The following SSH2 variants were observed in gnomAD, a reference collection of about 807,000 sequenced individuals.
SSH2 encodes the protein slingshot protein phosphatase 2.
A neutral mutation model predicts 135.2 loss-of-function variants in SSH2; 37 were observed. That is an observed-to-expected ratio of 0.27 (90% CI 0.21 to 0.36). The LOEUF is 0.36. Ranked by LOEUF, SSH2 falls within the 10% of genes least tolerant of loss-of-function variation. The pLI is 1.00. For synonymous variants in SSH2, 628 were observed against 646.2 expected, an observed-to-expected ratio of 0.97 and a Z score of 0.43; for missense variants, 1,408 against 1,765.3, an observed-to-expected ratio of 0.80 and a Z score of 3.63.
Position 29,648,305 on chromosome 17 carries a change from C to T in SSH2, c.1266G>A (p.Gly422=). 6.2e-7 allele frequency: 1 copy of T among 1,613,902 alleles called. No individual in the cohort carries two copies. Among genetic ancestry groups the T allele is most frequent in the Non-Finnish European group, 8.5e-7 (1 of 1,179,870 alleles). ...GSKCLVHCKM[G]VSRSASTVIA... ...TCACGGTGGAGGCTGAGCGACTCACCCCCATTTTGCAGTGCACAAGGCATT... is the reference window on the plus strand; with the variant it reads ...TCACGGTGGAGGCTGAGCGACTCACTCCCATTTTGCAGTGCACAAGGCATT... The change falls in exon 14 of 16, where the codon GGG becomes GGA. Residue 422 remains glycine (G), a synonymous_variant. Coordinates refer to ENST00000540801, the MANE Select transcript of SSH2 (RefSeq NM_001282129.2).
chr17:29,694,507 A>G (rs929099305), intron 5 of SSH2, among the ~76,000 whole-genome samples: 87 of 152,240 alleles, frequency 5.7e-4, no homozygotes, highest in African/African-American at 2.0e-3. Flanking sequence ...CATCTCTACT[A>G]AAAATACAAA....
Position 29,848,851 on chromosome 17 carries a change from T to C in SSH2, c.142A>G (p.Asn48Asp), listed in dbSNP as rs1203322077. Residue 48 changes from asparagine to aspartate, a missense_variant and splice_region_variant, in exon 2 of 16, where the codon AAT (asparagine) becomes GAT (aspartate). Physicochemically the swap from Asn to Asp is conservative, Grantham distance 23. Transcript: ENST00000540801. The stretch of plus-strand genomic sequence containing the variant: ...TATAAAAACATATACCTACGTACAT[T>C]GGAATCAGTAAAGATTTCTGATTCT... ...CEESEIFTDS[N>D]EADSGEEECR... The C allele has an allele frequency of 4.6e-6, 7 of 1,524,982 alleles. No individual in the cohort carries two copies. In the African/African-American group the frequency reaches 9.6e-5, roughly 21 times the overall value. The allele number at this position is 1,524,982 out of a possible 1,614,324, so 94.5% of individuals were successfully genotyped here.
intron 15 of SSH2, among the ~76,000 whole-genome samples, chr17:29,633,568 T>G (rs528797988): frequency 6.6e-6 from 1 of 152,236 alleles, no homozygotes; most frequent in Non-Finnish European, 1.5e-5. Context: ...ACTGTCTGAC[T>G]ACATAATCTC....
rs2035627760 is a variant in SSH2, at chr17:29,630,727, A to ACTGTTTTG, written c.*113_*114insCAAAACAG. The ACTGTTTTG allele has an allele frequency of 8.5e-7, 1 of 1,175,464 alleles. No homozygotes were observed. The highest frequency in any genetic ancestry group is 2.4e-5 in the East Asian group (1 of 41,910). The allele number at this position is 1,175,464 out of a possible 1,614,324, so 72.8% of individuals were successfully genotyped here. ...CCCAAACCCTGCATGCACCAGAAAC[A>ACTGTTTTG]GTAAAATGACCAAAATATTATAAAA... On this transcript the variant is annotated 3_prime_UTR_variant, in exon 16 of 16. Transcript: ENST00000540801.
At chr17:29,896,596 A>G (rs1247932365) in intron 1 of SSH2, among the ~76,000 whole-genome samples, 2 of 151,218 alleles carry the variant, frequency 1.3e-5, no homozygotes, top group Non-Finnish European at 3.0e-5. Context: ...TATTTTATAC[A>G]TTCTTTTATC....
At chr17:29,767,282 T>G (rs2041468624) in intron 3 of SSH2, among the ~76,000 whole-genome samples, 1 of 152,156 alleles carries the variant, frequency 6.6e-6, no homozygotes, top group Non-Finnish European at 1.5e-5. Context: ...GTAAAAATAA[T>G]AGGTATTTAC....
At chr17:29,841,700 T>C (rs1416014302) in intron 2 of SSH2, among the ~76,000 whole-genome samples, 1 of 152,110 alleles carries the variant, frequency 6.6e-6, no homozygotes, top group Non-Finnish European at 1.5e-5. Flanking sequence ...AAAATTAGCA[T>C]AGCTAGAGTT....
chr17:29,867,284 A>C (rs2065869773), intron 1 of SSH2, among the ~76,000 whole-genome samples: 1 of 152,172 alleles, frequency 6.6e-6, no homozygotes, highest in Non-Finnish European at 1.5e-5. Context: ...ATCACCTTAC[A>C]TATTAGTTTT....
intron 3 of SSH2, among the ~76,000 whole-genome samples, chr17:29,756,383 G>A (rs1160292098): frequency 6.6e-6 from 1 of 151,748 alleles, no homozygotes; most frequent in Non-Finnish European, 1.5e-5. Context: ...CAATCCTCCT[G>A]CCTCAGTCTC....
At chr17:29,907,300 G>A (rs77518451) in intron 1 of SSH2, among the ~76,000 whole-genome samples, 2,018 of 152,114 alleles carry the variant, frequency 0.013, 38 homozygotes, top group African/African-American at 0.047. Flanking sequence ...TTATAAGTGG[G>A]AGAGAACATG....
intron 15 of SSH2, among the ~76,000 whole-genome samples, chr17:29,634,783 CCTCGTGAT>C (rs1215371955): frequency 6.6e-6 from 1 of 151,952 alleles, no homozygotes; most frequent in East Asian, 1.9e-4. Context: ...GATCTCTTGA[CCTCGTGAT>C]CTGGCTGCCT....
At chr17:29,740,158 C>T (rs976525323) in intron 3 of SSH2, among the ~76,000 whole-genome samples, 2 of 152,198 alleles carry the variant, frequency 1.3e-5, no homozygotes, top group Non-Finnish European at 2.9e-5. Flanking sequence ...GAGGTCCACT[C>T]TCCAGTGAAC....
intron 1 of SSH2, among the ~76,000 whole-genome samples, chr17:29,857,731 C>A (rs1373689918): frequency 6.6e-6 from 1 of 152,222 alleles, no homozygotes; most frequent in East Asian, 1.9e-4. Flanking sequence ...AACAATCCTC[C>A]TGCCTTGGCC....
intron 1 of SSH2, among the ~76,000 whole-genome samples, chr17:29,881,494 C>G (rs539332224): frequency 6.6e-6 from 1 of 151,786 alleles, no homozygotes; most frequent in African/African-American, 2.4e-5. Context: ...TTTTCTCTCT[C>G]TCTTTCTCTT....
intron 14 of SSH2, among the ~76,000 whole-genome samples, chr17:29,642,089 T>C (rs899656371): frequency 6.6e-6 from 1 of 152,194 alleles, no homozygotes; most frequent in African/African-American, 2.4e-5. Context: ...TCGCCCAAGA[T>C]GCTTTAAGAT....
intron 6 of SSH2, among the ~76,000 whole-genome samples, chr17:29,683,175 A>G (rs2038054666): frequency 6.6e-6 from 1 of 152,178 alleles, no homozygotes; most frequent in South Asian, 2.1e-4. Context: ...CTAATCCTGA[A>G]CCAGGAAGTC....
rs1208441696 is a variant in SSH2, at chr17:29,627,682, A to G, written c.*3159T>C. 6.6e-6 allele frequency: 1 copy of G among 152,646 alleles called. No individual in the cohort carries two copies. The highest frequency in any genetic ancestry group is 1.5e-5 in the Non-Finnish European group (1 of 68,044). 9.5% of individuals were successfully genotyped at this position (152,646 alleles called of 1,614,324 possible). ...AATCTGAAAGGCAACTAAAATGAGG[A>G]GAGATGAATATTACGGTACTATAGT... On this transcript the variant is annotated 3_prime_UTR_variant, in exon 16 of 16. Transcript: ENST00000540801.
At chr17:29,709,256 G>C (rs1269215022) in intron 3 of SSH2, among the ~76,000 whole-genome samples, 1 of 152,064 alleles carries the variant, frequency 6.6e-6, no homozygotes, top group Admixed American at 6.6e-5. Context: ...TTCAAACCAA[G>C]ATTTGACTTG....
At chr17:29,642,549 A>G (rs1434357343) in intron 14 of SSH2, among the ~76,000 whole-genome samples, 2 of 152,116 alleles carry the variant, frequency 1.3e-5, no homozygotes, top group Non-Finnish European at 2.9e-5. Flanking sequence ...TTTAAAACAC[A>G]GGCACACACA....
Sources: gnomAD v4.1 joint callset for allele counts (sites outside exome capture counted in the v4.1 genomes callset) on GRCh38, gnomAD v4.1.1 for gene constraint, MANE v1.5 for transcripts, NCBI Gene and HGNC (gene_info 2026-07-23, HGNC 2026-07-21) for gene names.